Variants in ZC3H12D observed in about 807,000 individuals in gnomAD.
ZC3H12D encodes probable ribonuclease ZC3H12D.
Under a neutral mutation model 24.2 loss-of-function variants are expected in ZC3H12D, and 11 were observed. The observed-to-expected ratio is 0.46, with a 90% CI of 0.29 to 0.75. The LOEUF is 0.75. Ranked by LOEUF, ZC3H12D falls within the 30% of genes least tolerant of loss-of-function variation. ZC3H12D has a pLI of 0.11. For missense variants in ZC3H12D, 740 were observed against 767.7 expected (o/e 0.96, Z 0.43); for synonymous variants, 333 against 341.8 (o/e 0.97, Z 0.28).
rs370832900 is a variant in ZC3H12D at position 149,476,451 on chromosome 6, C to T, written c.-70-1838G>A. 3.9e-5 allele frequency among the ~76,000 whole-genome samples: 6 copies of T among 152,068 alleles called. No homozygotes were observed. The East Asian group carries it at 5.8e-4, about 15-fold the overall frequency. On this transcript the variant is annotated intron_variant, in intron 1 of 5. Coordinates refer to ENST00000409806, the MANE Select transcript of ZC3H12D (RefSeq NM_207360.3). ...CCTGGGAGGCAGAGGCTGCAGTAAG[C>T]CAAGATCGTGCTACTGCACTCCAGC... is the stretch of plus-strand genomic sequence containing the variant.
chr6:149,465,775 GA>G (rs1443682886), intron 2 of ZC3H12D, among the ~76,000 whole-genome samples: 8 of 140,936 alleles, frequency 5.7e-5, no homozygotes, highest in Non-Finnish European at 1.1e-4. Context: ...AAGGGGGGGG[GA>G]AGAGGAAGCA....
Position 149,456,813 on chromosome 6 carries a change from T to G in ZC3H12D, c.533A>C (p.Tyr178Ser), listed in dbSNP as rs1176947896. The G allele has an allele frequency of 6.2e-7, 1 of 1,613,038 alleles. No homozygotes were observed. The highest frequency in any genetic ancestry group is 8.5e-7 in the Non-Finnish European group (1 of 1,179,776). ...RKVHGKRLVC[Y>S]DDRYIVKVAY... is the part of the protein sequence containing the mutation. ...CACCTTCACGATGTAGCGGTCGTCGTAGCAGACCAGGCGCTTGCCGTGCAC... is the reference window on the plus strand; with the variant it reads ...CACCTTCACGATGTAGCGGTCGTCGGAGCAGACCAGGCGCTTGCCGTGCAC... The change falls in exon 4 of 6, where the codon TAC becomes TCC. Residue 178 changes from tyrosine (Y) to serine (S), a missense_variant. Tyr to Ser is a moderately radical substitution (Grantham distance 144). Coordinates refer to ENST00000409806, the MANE Select transcript of ZC3H12D (RefSeq NM_207360.3). The surrounding 1 kb of genome is among the most constrained non-coding windows in gnomAD (Gnocchi z 4.3).
rs1197908214 is a variant in ZC3H12D at position 149,446,815 on chromosome 6, TTTTATTTGGAAGAATGCCAA to T, written c.*3848_*3867del. On this transcript the variant is annotated 3_prime_UTR_variant, in exon 6 of 6. Coordinates refer to ENST00000409806, the MANE Select transcript of ZC3H12D (RefSeq NM_207360.3). ...CAATGTCAAACCAAAGCTGGATCCA[TTTTATTTGGAAGAATGCCAA>T]TTAGAGTGGCTTGTCTTGCTTCTAC... The T allele has an allele frequency of 2.6e-5, 4 of 152,112 alleles. No individual in the cohort carries two copies. Among genetic ancestry groups the T allele is most frequent in the Non-Finnish European group, 5.9e-5 (4 of 68,040 alleles). 9.4% of individuals were successfully genotyped at this position (152,112 alleles called of 1,614,324 possible).
Position 149,474,545 on chromosome 6 carries a change from C to A in ZC3H12D, c.-2G>T. On this transcript the variant is annotated 5_prime_UTR_variant, in exon 2 of 6. Coordinates refer to ENST00000409806, the MANE Select transcript of ZC3H12D (RefSeq NM_207360.3). Reference sequence around the variant, plus strand: ...TTCCATCTTGCTGGGGTGCTCCATGCTGTGCCCAGCGGCCACTGGCGCAGG... The same window carrying A: ...TTCCATCTTGCTGGGGTGCTCCATGATGTGCCCAGCGGCCACTGGCGCAGG... The A allele has an allele frequency of 6.7e-7, 1 of 1,499,136 alleles. No homozygotes were observed. Among genetic ancestry groups the A allele is most frequent in the East Asian group, 2.4e-5 (1 of 42,546 alleles). The allele number at this position is 1,499,136 out of a possible 1,614,324, so 92.9% of individuals were successfully genotyped here. A position where few individuals can be genotyped will look rare whatever the true frequency, so the allele number is the denominator to read the frequency against.
At chr6:149,479,647 T>G (rs930006737) in intron 1 of ZC3H12D, among the ~76,000 whole-genome samples, 1 of 152,170 alleles carries the variant, frequency 6.6e-6, no homozygotes, top group Non-Finnish European at 1.5e-5. Context: ...CCTGACCTAT[T>G]GCCTCAGAAT....
At chr6:149,473,676 C>T (rs1011580156) in intron 2 of ZC3H12D, among the ~76,000 whole-genome samples, 4 of 152,194 alleles carry the variant, frequency 2.6e-5, no homozygotes, top group African/African-American at 7.2e-5. Flanking sequence ...GCCGCAACAC[C>T]GCCTCCCCAG....
At chr6:149,470,922 G>A (rs1356814873) in intron 2 of ZC3H12D, among the ~76,000 whole-genome samples, 2 of 152,202 alleles carry the variant, frequency 1.3e-5, no homozygotes, top group Non-Finnish European at 2.9e-5. Context: ...AGTTGTGTTG[G>A]GCAGCCCTGG....
intron 2 of ZC3H12D, among the ~76,000 whole-genome samples, chr6:149,473,768 T>G (rs1411420325): frequency 6.6e-6 from 1 of 152,082 alleles, no homozygotes; most frequent in Admixed American, 6.5e-5. Context: ...GTAGAAGAGA[T>G]ATTTGTGGGC....
At chr6:149,461,670 C>CATTAAAAAA in intron 3 of ZC3H12D, 161 bp downstream of exon 3, 1 of 704,634 alleles carries the variant, frequency 1.4e-6, no homozygotes, top group South Asian at 2.2e-5. Flanking sequence ...AGGGCTATGG[C>CATTAAAAAA]ATTGAACAGT....
rs934205221 is a variant in ZC3H12D, at chr6:149,456,515, C to G, written c.680+151G>C. ...GCCCACCTATTGGGGACGTGCCCGC[C>G]GAGAATGCGGACCTGGGGGAGCTCT... On this transcript the variant is annotated intron_variant, in intron 4 of 5. Transcript: ENST00000409806. This position sits in a 1 kb window ranked among gnomAD's most constrained non-coding sequence, Gnocchi z 4.3. 3 of 674,804 alleles carry G rather than the reference C, an allele frequency of 4.4e-6. No homozygotes were observed. The African/African-American group carries it at 5.4e-5, about 12-fold the overall frequency. 41.8% of individuals were successfully genotyped at this position (674,804 alleles called of 1,614,324 possible).
At chr6:149,467,218 T>G (rs1776177071) in intron 2 of ZC3H12D, among the ~76,000 whole-genome samples, 1 of 152,148 alleles carries the variant, frequency 6.6e-6, no homozygotes, top group African/African-American at 2.4e-5. Context: ...CTGCACTGCA[T>G]GCTAAGAAAA....
intron 3 of ZC3H12D, chr6:149,459,579 G>A (rs771406336): frequency 9.8e-6 from 7 of 712,834 alleles, no homozygotes; most frequent in South Asian, 5.9e-5. Flanking sequence ...GAGATGGAGT[G>A]GAAGTCGGGC....
In ZC3H12D at chr6:149,474,394, C is replaced by T; in HGVS notation, c.150G>A (p.Leu50=). 6.2e-7 allele frequency: 1 copy of T among 1,608,602 alleles called. No individual in the cohort carries two copies. Among genetic ancestry groups the T allele is most frequent in the South Asian group, 1.1e-5 (1 of 90,810 alleles). ...LIRTGSRPGA[L]EHPAAPRLVP... is the part of the protein sequence containing the mutation. ...CTAGCCTGGGTGCAGCCGGGTGCTCCAGGGCACCCGGGCGGCTGCCCGTGC... is the reference window on the plus strand; with the variant it reads ...CTAGCCTGGGTGCAGCCGGGTGCTCTAGGGCACCCGGGCGGCTGCCCGTGC... The change falls in exon 2 of 6, where the codon CTG becomes CTA. Residue 50 remains leucine (L), a synonymous_variant. Coordinates refer to ENST00000409806, the MANE Select transcript of ZC3H12D (RefSeq NM_207360.3).
In ZC3H12D at chr6:149,466,876, A is replaced by AAAAATAAAATAAAAT. The variant is rs149349012; in HGVS notation, c.306-4921_306-4907dup. ...GGGTGACAGAGCAAGACTCCATCTC[A>AAAAATAAAATAAAAT]AAAATAAAATAAAATAAAATAAAAT... On this transcript the variant is annotated intron_variant, in intron 2 of 5. Transcript: ENST00000409806. Among the ~76,000 whole-genome samples the AAAAATAAAATAAAAT allele has an allele frequency of 4.6e-3, 653 of 142,962 alleles. 5 individuals are homozygous for AAAAATAAAATAAAAT. Among genetic ancestry groups the AAAAATAAAATAAAAT allele is most frequent in the African/African-American group, 0.015 (594 of 38,736 alleles). The allele number at this position is 142,962 out of a possible 152,430, so 93.8% of individuals were successfully genotyped here.
chr6:149,453,966 G>A lies in ZC3H12D; in HGVS notation c.681-1244C>T, dbSNP rs192056419. On this transcript the variant is annotated intron_variant, in intron 4 of 5. Transcript: ENST00000409806. The stretch of plus-strand genomic sequence containing the variant: ...TCCCATTTCTCCTGTGTTTCACCCC[G>A]TGCCAAACACAGCTCTGGGCTGTGA... 8.5e-5 allele frequency among the ~76,000 whole-genome samples: 13 copies of A among 152,262 alleles called. 1 individual carries two copies. The East Asian group carries it at 1.4e-3, about 16-fold the overall frequency.
rs1775889121 is a variant in ZC3H12D at position 149,451,256 on chromosome 6, C to T, written c.1011G>A (p.Pro337=). ...AHSLPPARGS[P]DLAALRGSFS... The stretch of plus-strand genomic sequence containing the variant: ...AGCTCCCTCGCAGGGCGGCCAGGTC[C>T]GGGGACCCCCGCGCCGGCGGGAGGC... The change falls in exon 6 of 6, where the codon CCG becomes CCA. Residue 337 remains proline (P), a synonymous_variant. Transcript: ENST00000409806. The T allele has an allele frequency of 1.9e-5, 25 of 1,298,696 alleles. No individual in the cohort carries two copies. Among genetic ancestry groups the T allele is most frequent in the Non-Finnish European group, 2.4e-5 (25 of 1,030,132 alleles). The allele number at this position is 1,298,696 out of a possible 1,614,324, so 80.4% of individuals were successfully genotyped here.
At chr6:149,483,521 T>C (rs1268611226) in intron 1 of ZC3H12D, among the ~76,000 whole-genome samples, 1 of 152,182 alleles carries the variant, frequency 6.6e-6, no homozygotes, top group Non-Finnish European at 1.5e-5. Context: ...CCCACCATTG[T>C]ACGTTCTGTC....
At chr6:149,471,343 A>G (rs1279309569) in intron 2 of ZC3H12D, among the ~76,000 whole-genome samples, 1 of 152,332 alleles carries the variant, frequency 6.6e-6, no homozygotes, top group East Asian at 1.9e-4. Flanking sequence ...GCCAGTGTTG[A>G]CCATAGTCAA....
intron 1 of ZC3H12D, among the ~76,000 whole-genome samples, chr6:149,481,627 A>C (rs369999105): frequency 6.6e-6 from 1 of 151,648 alleles, no homozygotes; most frequent in East Asian, 1.9e-4. Flanking sequence ...TGCCCACCTC[A>C]GCCTCCCAAA....
Sources: allele counts gnomAD v4.1 joint callset (sites outside exome capture counted in the v4.1 genomes callset), GRCh38; gene constraint gnomAD v4.1.1; non-coding constraint Gnocchi (gnomAD v3.1); transcripts MANE v1.5; gene names NCBI Gene and HGNC (gene_info 2026-07-23, HGNC 2026-07-21).